The following STAB2 variants were observed in gnomAD, a reference collection of about 807,000 sequenced individuals.
STAB2 encodes the protein stabilin-2.
STAB2 carries 288 observed loss-of-function variants against 338.1 expected under a neutral mutation model. The observed-to-expected ratio is 0.85, with a 90% confidence interval of 0.77 to 0.94. The LOEUF is 0.94. Ranked by LOEUF, STAB2 falls within the 40% of genes least tolerant of loss-of-function variation. STAB2 has a pLI of 0.00. For synonymous variants in STAB2, 1,202 were observed against 1,193.3 expected (o/e 1.01, Z -0.15); for missense variants, 3,141 against 3,210.1 (o/e 0.98, Z 0.52).
intron 16 of STAB2, 149 bp from the exon 17 acceptor site, chr12:103,660,534 C>T (rs1482879349): frequency 1.6e-5 from 20 of 1,252,374 alleles, no homozygotes; most frequent in Non-Finnish European, 1.9e-5. Context: ...ATTATCAGAG[C>T]GATCTTCAAA....
Position 103,716,965 on chromosome 12 carries a change from A to C in STAB2, c.4612-805A>C, listed in dbSNP as rs141783937. On this transcript the variant is annotated intron_variant, in intron 43 of 68. Coordinates refer to ENST00000388887, the MANE Select transcript of STAB2 (RefSeq NM_017564.10). ...TGGGGCCCATTGTGAAGAAAGAGGAAGAGAAACGGGAAAACCTGCCCGTGT... is the reference window on the plus strand; with the variant it reads ...TGGGGCCCATTGTGAAGAAAGAGGACGAGAAACGGGAAAACCTGCCCGTGT... 4.0e-4 allele frequency among the ~76,000 whole-genome samples: 61 copies of C among 152,316 alleles called. No homozygotes were observed. In the East Asian group the frequency reaches 0.011, roughly 26 times the overall value.
chr12:103,629,256 A>G (rs530730839), intron 5 of STAB2, among the ~76,000 whole-genome samples: 2 of 152,238 alleles, frequency 1.3e-5, no homozygotes, highest in Admixed American at 6.5e-5. Flanking sequence ...CACCATATCC[A>G]TGGAGGAAAA....
intron 35 of STAB2, 37 bp downstream of exon 35, chr12:103,703,313 T>C (rs1471534604): frequency 1.3e-6 from 2 of 1,598,720 alleles, no homozygotes; most frequent in Admixed American, 1.7e-5. Flanking sequence ...ATGGAACTAA[T>C]GAATATTGGC....
Position 103,713,787 on chromosome 12 carries a change from T to C in STAB2, c.4537+19T>C. Reference sequence around the variant, plus strand: ...TGCCTGGGTAGGTGTCCTTCCCTCTTCCATCGGCGAAATGGTATAAGAGTC... The same window carrying C: ...TGCCTGGGTAGGTGTCCTTCCCTCTCCCATCGGCGAAATGGTATAAGAGTC... On this transcript the variant is annotated intron_variant, in intron 42 of 68. Transcript: ENST00000388887. 6.2e-7 allele frequency: 1 copy of C among 1,612,768 alleles called. No homozygotes were observed. The highest frequency in any genetic ancestry group is 8.5e-7 in the Non-Finnish European group (1 of 1,179,234).
intron 27 of STAB2, among the ~76,000 whole-genome samples, chr12:103,685,422 C>CTGTGTGTGTGTGTGTGTGTGTG (rs141365936): frequency 1.0e-4 from 15 of 145,816 alleles, no homozygotes; most frequent in African/African-American, 2.5e-4. Flanking sequence ...CTTACCCATG[C>CTGTGTGTGTGTGTGTGTGTGTG]TGTGTGTGTG....
At chr12:103,606,786 C>A (rs1340241269) in intron 3 of STAB2, among the ~76,000 whole-genome samples, 2 of 152,104 alleles carry the variant, frequency 1.3e-5, no homozygotes, top group Non-Finnish European at 2.9e-5. Flanking sequence ...AGATCAAGAC[C>A]ATCCTGGCTA....
At chr12:103,645,894 G>T (rs1006711944) in intron 9 of STAB2, among the ~76,000 whole-genome samples, 2 of 151,964 alleles carry the variant, frequency 1.3e-5, no homozygotes, top group South Asian at 2.1e-4. Context: ...GGGCTGGGGA[G>T]GGGGGGCAAA....
intron 3 of STAB2, among the ~76,000 whole-genome samples, chr12:103,600,798 G>A (rs1436572040): frequency 6.6e-6 from 1 of 152,228 alleles, no homozygotes; most frequent in Non-Finnish European, 1.5e-5. Context: ...TATCCAGCCA[G>A]CATATGCCTT....
chr12:103,602,179 C>T (rs1311875466), intron 3 of STAB2, among the ~76,000 whole-genome samples: 2 of 152,152 alleles, frequency 1.3e-5, no homozygotes, highest in South Asian at 2.1e-4. Context: ...ATAATTTTGC[C>T]TTTATGTCAT....
chr12:103,666,827 C>T (rs1195999167), intron 19 of STAB2, among the ~76,000 whole-genome samples: 2 of 152,208 alleles, frequency 1.3e-5, no homozygotes, highest in Non-Finnish European at 2.9e-5. Flanking sequence ...CTATCAAAAG[C>T]TTCCAAGTTT....
chr12:103,727,382 G>A, intron 47 of STAB2, 32 bp downstream of exon 47: 1 of 1,610,076 alleles, frequency 6.2e-7, no homozygotes, highest in Non-Finnish European at 8.5e-7. Flanking sequence ...GAAGGGGGAG[G>A]TCTGCGGCTG....
chr12:103,709,976 T>C (rs1056249020), intron 39 of STAB2, among the ~76,000 whole-genome samples: 1 of 152,142 alleles, frequency 6.6e-6, no homozygotes, highest in Non-Finnish European at 1.5e-5. Flanking sequence ...TACCTCCTTG[T>C]CCCTCACTAA....
At chr12:103,607,003 A>C (rs1054767758) in intron 3 of STAB2, among the ~76,000 whole-genome samples, 2 of 152,176 alleles carry the variant, frequency 1.3e-5, no homozygotes, top group Admixed American at 6.5e-5. Flanking sequence ...ACAAAAAACA[A>C]AAACAAAAAC....
At chr12:103,612,394 T>C (rs950574837) in intron 3 of STAB2, among the ~76,000 whole-genome samples, 5 of 152,086 alleles carry the variant, frequency 3.3e-5, no homozygotes, top group Admixed American at 3.3e-4. Context: ...CTTTTTATTC[T>C]TTTTTCTCTA....
At chr12:103,589,694 A>T (rs936993188) in intron 1 of STAB2, among the ~76,000 whole-genome samples, 1 of 152,220 alleles carries the variant, frequency 6.6e-6, no homozygotes, top group Admixed American at 6.5e-5. Flanking sequence ...TTTGTGAAAG[A>T]GGTGGTGTGA....
chr12:103,673,113 T>C (rs1211436200), intron 22 of STAB2, among the ~76,000 whole-genome samples: 1 of 152,172 alleles, frequency 6.6e-6, no homozygotes, highest in East Asian at 1.9e-4. Flanking sequence ...ATTGGTTTGA[T>C]GTGATAGAGT....
rs748886693 is a variant in STAB2, at chr12:103,759,277, C to CA, written c.7248+7dup. The stretch of plus-strand genomic sequence containing the variant: ...CAGCCAGGACCCACTCCAACCGGTA[C>CA]AAAGTCTTCTGGGCTTCTTGGGGGA... On this transcript the variant is annotated splice_donor_region_variant and intron_variant, in intron 65 of 68. Transcript: ENST00000388887. 1 of 1,613,424 alleles carries CA rather than the reference C, an allele frequency of 6.2e-7. No individual in the cohort carries two copies. The highest frequency in any genetic ancestry group is 1.7e-5 in the Admixed American group (1 of 59,876).
intron 44 of STAB2, among the ~76,000 whole-genome samples, chr12:103,722,154 T>G (rs1217547182): frequency 1.3e-5 from 2 of 151,746 alleles, no homozygotes; most frequent in African/African-American, 2.4e-5. Context: ...AAGCACAAGA[T>G]GAAAGGTAGA....
chr12:103,664,791 C>T (rs1055141007), intron 18 of STAB2, among the ~76,000 whole-genome samples: 8 of 152,208 alleles, frequency 5.3e-5, no homozygotes, highest in Admixed American at 3.9e-4. Context: ...ATTTAGGCCA[C>T]AGAGGACGGA....
Sources: gnomAD v4.1 joint callset for allele counts (sites outside exome capture counted in the v4.1 genomes callset) on GRCh38, gnomAD v4.1.1 for gene constraint, MANE v1.5 for transcripts, NCBI Gene and HGNC (gene_info 2026-07-23, HGNC 2026-07-21) for gene names.